The following PRKG1 variants were observed in gnomAD, a reference collection of about 807,000 sequenced individuals.
PRKG1 encodes the protein cGMP-dependent protein kinase 1.
A neutral mutation model predicts 88.1 loss-of-function variants in PRKG1; 35 were observed. The ratio of observed to expected loss-of-function variants is 0.40; its 90% CI spans 0.30 to 0.53. The LOEUF is 0.53. Ranked by LOEUF, PRKG1 falls within the 20% of genes least tolerant of loss-of-function variation. PRKG1 has a pLI of 0.59. For synonymous variants in PRKG1, 303 were observed against 292.5 expected (o/e 1.04, Z -0.37); for missense variants, 540 against 839.8 (o/e 0.64, Z 4.41).
At chr10:52,139,410 G>T (rs1837513754) in intron 8 of PRKG1, among the ~76,000 whole-genome samples, 1 of 152,046 alleles carries the variant, frequency 6.6e-6, no homozygotes, top group Non-Finnish European at 1.5e-5. Flanking sequence ...TTCTGATGCT[G>T]GTCTCTATCT....
At chr10:51,722,582 G>T (rs1181886391) in intron 3 of PRKG1, among the ~76,000 whole-genome samples, 1 of 151,964 alleles carries the variant, frequency 6.6e-6, no homozygotes, top group Non-Finnish European at 1.5e-5. Flanking sequence ...CCTATTTTAT[G>T]TATTACACCA....
rs967312900 is a variant in PRKG1, at chr10:52,297,209, T to G, written c.*3309T>G. On this transcript the variant is annotated 3_prime_UTR_variant, in exon 18 of 18. Transcript: ENST00000373980. ...TGTTTCACAGCATTATTATTTCATTTTATTTGTATTGAATAATGTTTTTAG... is the reference window on the plus strand; with the variant it reads ...TGTTTCACAGCATTATTATTTCATTGTATTTGTATTGAATAATGTTTTTAG... 6.6e-6 allele frequency: 1 copy of G among 152,164 alleles called. No individual in the cohort carries two copies. Among genetic ancestry groups the G allele is most frequent in the Non-Finnish European group, 1.5e-5 (1 of 68,030 alleles). The allele number at this position is 152,164 out of a possible 1,614,324, so 9.4% of individuals were successfully genotyped here.
At chr10:51,666,577 T>C (rs971271391) in intron 3 of PRKG1, among the ~76,000 whole-genome samples, 6 of 152,146 alleles carry the variant, frequency 3.9e-5, no homozygotes, top group African/African-American at 1.4e-4. Context: ...TATAATAATA[T>C]ACCATAAATG....
chr10:51,755,818 C>A (rs1020333637), intron 3 of PRKG1, among the ~76,000 whole-genome samples: 1 of 152,206 alleles, frequency 6.6e-6, no homozygotes, highest in Non-Finnish European at 1.5e-5. Context: ...ATCTGACTAT[C>A]TACTTGGTTT....
rs1245637904 is a variant in PRKG1, at chr10:51,778,866, T to C, written c.593-25719T>C. Among the ~76,000 whole-genome samples the C allele has an allele frequency of 5.3e-5, 8 of 152,308 alleles. No homozygotes were observed. In the East Asian group the frequency reaches 1.5e-3, roughly 29 times the overall value. ...TGTCAGTACTTCAGAGAGAAATCCC[T>C]ACATATTTTGATTAATAAAGCCAAA... On this transcript the variant is annotated intron_variant, in intron 3 of 17. Coordinates refer to ENST00000373980, the MANE Select transcript of PRKG1 (RefSeq NM_006258.4).
At chr10:51,059,350 A>G (rs1843669065) in intron 1 of PRKG1, among the ~76,000 whole-genome samples, 1 of 152,054 alleles carries the variant, frequency 6.6e-6, no homozygotes, top group African/African-American at 2.4e-5. Context: ...GTACATTTTA[A>G]CAGATAAGTA....
chr10:51,694,379 T>C (rs948552017), intron 3 of PRKG1, among the ~76,000 whole-genome samples: 1 of 152,238 alleles, frequency 6.6e-6, no homozygotes. Flanking sequence ...TTAAATGTTT[T>C]TCTACCATTA....
At chr10:51,338,149 G>C (rs1316994629) in intron 2 of PRKG1, among the ~76,000 whole-genome samples, 1 of 152,198 alleles carries the variant, frequency 6.6e-6, no homozygotes, top group African/African-American at 2.4e-5. Flanking sequence ...ACTTGTAAGT[G>C]GGAGCTGAAC....
intron 1 of PRKG1, among the ~76,000 whole-genome samples, chr10:51,093,754 TATATACATATATAC>T (rs1589147588): frequency 1.4e-5 from 2 of 144,008 alleles, no homozygotes; most frequent in Non-Finnish European, 3.0e-5. Context: ...TTTATATGTA[TATATACATATATAC>T]ATATACATAT....
chr10:52,229,659 T>C (rs1840477097), intron 9 of PRKG1, among the ~76,000 whole-genome samples: 1 of 152,190 alleles, frequency 6.6e-6, no homozygotes, highest in Admixed American at 6.5e-5. Flanking sequence ...TGCCTGATTC[T>C]GTATCTATTG....
chr10:51,840,648 G>A (rs1311501995), intron 4 of PRKG1, among the ~76,000 whole-genome samples: 1 of 152,066 alleles, frequency 6.6e-6, no homozygotes, highest in East Asian at 1.9e-4. Context: ...CTAGGTTCAA[G>A]CAATTCTTCT....
intron 9 of PRKG1, among the ~76,000 whole-genome samples, chr10:52,216,082 A>G (rs1349703042): frequency 6.6e-6 from 1 of 152,206 alleles, no homozygotes; most frequent in Non-Finnish European, 1.5e-5. Context: ...AATTTACTGA[A>G]GTAAGAAGAG....
chr10:52,056,608 G>A (rs1255593463), intron 6 of PRKG1, among the ~76,000 whole-genome samples: 1 of 152,042 alleles, frequency 6.6e-6, no homozygotes, highest in Non-Finnish European at 1.5e-5. Flanking sequence ...ATTCTGGGAG[G>A]GAAGTAGTAC....
chr10:51,792,528 A>G (rs971453543), intron 3 of PRKG1, among the ~76,000 whole-genome samples: 2 of 152,162 alleles, frequency 1.3e-5, no homozygotes, highest in Non-Finnish European at 2.9e-5. Flanking sequence ...ATGTAAGAAT[A>G]TAGTGTATTG....
intron 3 of PRKG1, among the ~76,000 whole-genome samples, chr10:51,667,576 C>T (rs1194495946): frequency 8.8e-6 from 1 of 114,138 alleles, no homozygotes; most frequent in Non-Finnish European, 2.1e-5. Flanking sequence ...TTTTAAAGCT[C>T]ACATTTTTTT....
chr10:52,217,494 C>A (rs1403536427), intron 9 of PRKG1, among the ~76,000 whole-genome samples: 2 of 152,028 alleles, frequency 1.3e-5, no homozygotes, highest in African/African-American at 2.4e-5. Flanking sequence ...GTACACCCTA[C>A]CGTCAAACAA....
chr10:52,005,020 A>G (rs1417047875), intron 5 of PRKG1, among the ~76,000 whole-genome samples: 2 of 152,124 alleles, frequency 1.3e-5, no homozygotes, highest in East Asian at 3.9e-4. Flanking sequence ...CCTTTCAGTT[A>G]TAGTTTTAGG....
intron 5 of PRKG1, among the ~76,000 whole-genome samples, chr10:51,976,366 A>G (rs1843832575): frequency 6.6e-6 from 1 of 151,958 alleles, no homozygotes; most frequent in Admixed American, 6.6e-5. Context: ...GTCTATCATG[A>G]TTAACGGAAA....
At chr10:51,492,673 AAATG>A (rs1162134727) in intron 3 of PRKG1, among the ~76,000 whole-genome samples, 2 of 152,164 alleles carry the variant, frequency 1.3e-5, no homozygotes, top group African/African-American at 4.8e-5. Flanking sequence ...AAAGCAATCA[AAATG>A]AATGAAATAA....
Sources: gnomAD v4.1 joint callset for allele counts (sites outside exome capture counted in the v4.1 genomes callset) on GRCh38, gnomAD v4.1.1 for gene constraint, MANE v1.5 for transcripts, NCBI Gene and HGNC (gene_info 2026-07-23, HGNC 2026-07-21) for gene names.